The following DVL3 variants were observed in gnomAD, a reference collection of about 807,000 sequenced individuals.
The protein encoded by DVL3 is segment polarity protein dishevelled homolog DVL-3.
A neutral mutation model predicts 67.4 loss-of-function variants in DVL3; 27 were observed. That is an observed-to-expected ratio of 0.40 (90% CI 0.30 to 0.55). DVL3 has a LOEUF of 0.55. DVL3 is among the 20% of genes least tolerant of loss of function. DVL3 has a pLI of 0.46. For missense variants in DVL3, 819 were observed against 1,021.5 expected (o/e 0.80, Z 2.70); for synonymous variants, 369 against 396.8 (o/e 0.93, Z 0.83).
Position 184,162,560 on chromosome 3 carries a change from CTTTTT to C in DVL3, c.162-1084_162-1080del, listed in dbSNP as rs35869796. Among the ~76,000 whole-genome samples the C allele has an allele frequency of 5.7e-5, 7 of 123,512 alleles. 1 individual carries two copies. The highest frequency in any genetic ancestry group is 2.4e-4 in the East Asian group (1 of 4,248). 81.0% of individuals were successfully genotyped at this position (123,512 alleles called of 152,430 possible). On this transcript the variant is annotated intron_variant, in intron 1 of 14. Transcript: ENST00000313143. The stretch of plus-strand genomic sequence containing the variant: ...CCCCTTCTCTTTTTCTTTTTCTTTT[CTTTTT>C]TTTTTTTTTTTTGACACGGAGTCTC...
Position 184,170,619 on chromosome 3 carries a change from C to A in DVL3, c.2015C>A (p.Pro672Gln). The part of the protein sequence containing the change: ...YGPPMLMMPP[P>Q]PAAMGPPGAP... ...CCCCCCATGCTGATGATGCCCCCGC[C>A]GCCCGCGGCCATGGGGCCCCCAGGA... Residue 672 changes from proline to glutamine, a missense_variant, in exon 15 of 15, where the codon CCG becomes CAG. By Grantham distance (76) the Pro-to-Gln change is moderately conservative. Transcript: ENST00000313143. The surrounding 1 kb of genome is among the most constrained non-coding windows in gnomAD (Gnocchi z 6.5). 1 of 1,608,372 alleles carries A rather than the reference C, an allele frequency of 6.2e-7. No individual in the cohort carries two copies. Among genetic ancestry groups the A allele is most frequent in the Non-Finnish European group, 8.5e-7 (1 of 1,176,768 alleles).
Position 184,166,228 on chromosome 3 carries a change from C to T in DVL3, c.866C>T (p.Ala289Val), listed in dbSNP as rs1177445276. 8 of 1,612,924 alleles carry T rather than the reference C, an allele frequency of 5.0e-6. No homozygotes were observed. Among genetic ancestry groups the T allele is most frequent in the Non-Finnish European group, 5.9e-6 (7 of 1,179,754 alleles). Residue 289 changes from alanine to valine, a missense_variant, in exon 8 of 15, where the codon GCT becomes GTT. Transcript: ENST00000313143. This position sits in a 1 kb window ranked among gnomAD's most constrained non-coding sequence, Gnocchi z 6.7. ...GSIMKGGAVA[A>V]DGRIEPGDML... is the part of the protein sequence containing the mutation. ...ATCATGAAGGGTGGGGCCGTGGCTG[C>T]TGATGGACGCATCGAGCCAGGAGAT...
chr3:184,171,012 T>C lies in DVL3; in HGVS notation c.*257T>C. 1 of 1,424,576 alleles carries C rather than the reference T, an allele frequency of 7.0e-7. No individual in the cohort carries two copies. The highest frequency in any genetic ancestry group is 9.3e-7 in the Non-Finnish European group (1 of 1,080,106). The allele number at this position is 1,424,576 out of a possible 1,614,324, so 88.2% of individuals were successfully genotyped here. A position where few individuals can be genotyped will look rare whatever the true frequency, so the allele number is the denominator to read the frequency against. On this transcript the variant is annotated 3_prime_UTR_variant, in exon 15 of 15. Coordinates refer to ENST00000313143, the MANE Select transcript of DVL3 (RefSeq NM_004423.4). ...CCTGCGCAGGACTTCCCAGGACCCCTTTTGTCTCTGGGACCAGACTTGTTG... is the reference window on the plus strand; with the variant it reads ...CCTGCGCAGGACTTCCCAGGACCCCCTTTGTCTCTGGGACCAGACTTGTTG...
At position 184,166,394 on chromosome 3, in the gene DVL3, C is replaced by G; in HGVS notation, c.904-52C>G. ...TCCCTGACCTACCAAGTTGAGTTCC[C>G]TTTTCATCCTCCCCAGCACAGCTGT... is the stretch of plus-strand genomic sequence containing the variant. On this transcript the variant is annotated intron_variant, in intron 8 of 14. Transcript: ENST00000313143. This position sits in a 1 kb window ranked among gnomAD's most constrained non-coding sequence, Gnocchi z 6.7. The G allele has an allele frequency of 1.9e-6, 3 of 1,613,028 alleles. No individual in the cohort carries two copies. The highest frequency in any genetic ancestry group is 2.2e-5 in the East Asian group (1 of 44,864).
chr3:184,157,631 C>T (rs71318356), intron 1 of DVL3, among the ~76,000 whole-genome samples: 2,443 of 152,342 alleles, frequency 0.016, 32 homozygotes, highest in Non-Finnish European at 0.022. Context: ...ATAGGTCTGA[C>T]TTTTCTGTTT....
Position 184,171,083 on chromosome 3 carries a change from C to A in DVL3, c.*328C>A, listed in dbSNP as rs1055631607. On this transcript the variant is annotated 3_prime_UTR_variant, in exon 15 of 15. Transcript: ENST00000313143. The stretch of plus-strand genomic sequence containing the variant: ...CTGCAACCCCCATTTTGGGAGTTGA[C>A]CCCAGCAATGACCTTGGTGGCACGC... 8.0e-7 allele frequency: 1 copy of A among 1,251,554 alleles called. No individual in the cohort carries two copies. Among genetic ancestry groups the A allele is most frequent in the South Asian group, 1.6e-5 (1 of 63,056 alleles). 77.5% of individuals were successfully genotyped at this position (1,251,554 alleles called of 1,614,324 possible).
At chr3:184,162,640 A>G (rs1311304569) in intron 1 of DVL3, among the ~76,000 whole-genome samples, 1 of 144,240 alleles carries the variant, frequency 6.9e-6, no homozygotes, top group Non-Finnish European at 1.5e-5. Flanking sequence ...GCTCACTGCA[A>G]CCTCCACCTG....
intron 13 of DVL3, among the ~76,000 whole-genome samples, chr3:184,169,432 C>T (rs1461634413): frequency 1.3e-5 from 2 of 152,142 alleles, no homozygotes; most frequent in African/African-American, 4.8e-5. Context: ...CAGTGGCTCG[C>T]GCCTGTAATC....
chr3:184,170,460 G>C lies in DVL3; in HGVS notation c.1856G>C (p.Arg619Pro), dbSNP rs772085529. ...TRSSLRGPRE[R>P]APSERSGPAA... Reference sequence around the variant, plus strand: ...AGCAGCCTGCGGGGGCCGCGGGAGCGGGCGCCCAGCGAGCGCTCAGGGCCG... The same window carrying C: ...AGCAGCCTGCGGGGGCCGCGGGAGCCGGCGCCCAGCGAGCGCTCAGGGCCG... Residue 619 changes from arginine (R) to proline (P), a missense_variant, in exon 15 of 15, where the codon CGG (arginine) becomes CCG (proline). Physicochemically the swap from Arg to Pro is moderately radical, Grantham distance 103 (BLOSUM62 -2). Coordinates refer to ENST00000313143, the MANE Select transcript of DVL3 (RefSeq NM_004423.4). The surrounding 1 kb of genome is among the most constrained non-coding windows in gnomAD (Gnocchi z 6.5). 1 of 1,584,112 alleles carries C rather than the reference G, an allele frequency of 6.3e-7. No individual in the cohort carries two copies. Among genetic ancestry groups the C allele is most frequent in the Non-Finnish European group, 8.6e-7 (1 of 1,166,218 alleles).
rs1395655478 is a variant in DVL3, at chr3:184,170,303, T to G, written c.1715-16T>G. The G allele has an allele frequency of 1.3e-6, 2 of 1,593,614 alleles. No individual in the cohort carries two copies. The highest frequency in any genetic ancestry group is 1.7e-6 in the Non-Finnish European group (2 of 1,169,718). On this transcript the variant is annotated splice_polypyrimidine_tract_variant and intron_variant, in intron 14 of 14. Transcript: ENST00000313143. The surrounding 1 kb of genome is among the most constrained non-coding windows in gnomAD (Gnocchi z 6.5). ...CGCTCAGCCTGCCCCACCCCGGCCCTGTTTGCCTCCTACAGGCAGTCGGAG... is the reference window on the plus strand; with the variant it reads ...CGCTCAGCCTGCCCCACCCCGGCCCGGTTTGCCTCCTACAGGCAGTCGGAG...
chr3:184,163,825 T>A lies in DVL3; in HGVS notation c.231+99T>A. 9.6e-7 allele frequency: 1 copy of A among 1,041,130 alleles called. No individual in the cohort carries two copies. The highest frequency in any genetic ancestry group is 1.6e-5 in the African/African-American group (1 of 62,950). 64.5% of individuals were successfully genotyped at this position (1,041,130 alleles called of 1,614,324 possible). A position where few individuals can be genotyped will look rare whatever the true frequency, so the allele number is the denominator to read the frequency against. On this transcript the variant is annotated intron_variant, in intron 2 of 14. Coordinates refer to ENST00000313143, the MANE Select transcript of DVL3 (RefSeq NM_004423.4). This position sits in a 1 kb window ranked among gnomAD's most constrained non-coding sequence, Gnocchi z 4.5. The stretch of plus-strand genomic sequence containing the variant: ...TGTAGCTGGTGGTTTTAAGCTTCAG[T>A]ATCTGAATCTTTCTTTAGTTTTGCA...
Position 184,170,131 on chromosome 3 carries a change from C to T in DVL3, c.1624C>T (p.Pro542Ser). 6.2e-7 allele frequency: 1 copy of T among 1,613,838 alleles called. No homozygotes were observed. Among genetic ancestry groups the T allele is most frequent in the Non-Finnish European group, 8.5e-7 (1 of 1,179,968 alleles). ...WPMAFPYQYPPPPHPYNPHPG... is the reference protein window; with the variant it reads ...WPMAFPYQYPSPPHPYNPHPG... The stretch of plus-strand genomic sequence containing the variant: ...CATGGCTTTCCCGTACCAGTACCCG[C>T]CACCCCCGCACCCATACAACCCGCA... Residue 542 changes from proline to serine, a missense_variant, in exon 14 of 15, where the codon CCA (proline) becomes TCA (serine). This residue lies in a region of DVL3 where 324 missense variants were observed against 331.3 expected (regional missense o/e 0.98). Coordinates refer to ENST00000313143, the MANE Select transcript of DVL3 (RefSeq NM_004423.4). This position sits in a 1 kb window ranked among gnomAD's most constrained non-coding sequence, Gnocchi z 6.5.
intron 1 of DVL3, chr3:184,156,971 T>G (rs1714219005): frequency 6.2e-6 from 1 of 161,436 alleles, no homozygotes; most frequent in South Asian, 1.6e-4. Flanking sequence ...CTGGCCCACC[T>G]AGCACTAGGA....
Position 184,170,289 on chromosome 3 carries a change from C to T in DVL3, c.1715-30C>T, listed in dbSNP as rs1714770383. On this transcript the variant is annotated intron_variant, in intron 14 of 14. Coordinates refer to ENST00000313143, the MANE Select transcript of DVL3 (RefSeq NM_004423.4). The surrounding 1 kb of genome is among the most constrained non-coding windows in gnomAD (Gnocchi z 6.5). Reference sequence around the variant, plus strand: ...AGGCTTCCCCCGCCCGCTCAGCCTGCCCCACCCCGGCCCTGTTTGCCTCCT... The same window carrying T: ...AGGCTTCCCCCGCCCGCTCAGCCTGTCCCACCCCGGCCCTGTTTGCCTCCT... 1.3e-6 allele frequency: 2 copies of T among 1,591,432 alleles called. No homozygotes were observed. The highest frequency in any genetic ancestry group is 8.6e-7 in the Non-Finnish European group (1 of 1,168,450).
Position 184,164,858 on chromosome 3 carries a change from T to A in DVL3, c.526T>A (p.Ser176Thr). ...RRREPGGYDS[S>T]STLMSSELET... is the part of the protein sequence containing the mutation. ...GCGAGAACCAGGGGGTTATGATAGC[T>A]CATCCACCCTTATGAGCAGTGAGCT... Residue 176 changes from serine to threonine, a missense_variant, in exon 5 of 15, where the codon TCA becomes ACA. This residue lies in a region of DVL3 where 385 missense variants were observed against 486.8 expected (regional missense o/e 0.79). Coordinates refer to ENST00000313143, the MANE Select transcript of DVL3 (RefSeq NM_004423.4). This position sits in a 1 kb window ranked among gnomAD's most constrained non-coding sequence, Gnocchi z 5.3. 2 of 1,614,158 alleles carry A rather than the reference T, an allele frequency of 1.2e-6. No individual in the cohort carries two copies. Among genetic ancestry groups the A allele is most frequent in the Non-Finnish European group, 1.7e-6 (2 of 1,180,026 alleles).
rs1709638 is a variant in DVL3, at chr3:184,167,107, C to T, written c.1198+132C>T. ...TGGGGCTCGGCTCATTCCAGCAACC[C>T]CACACTGCAACTCCCCCACAGCGGG... On this transcript the variant is annotated intron_variant, in intron 11 of 14. Coordinates refer to ENST00000313143, the MANE Select transcript of DVL3 (RefSeq NM_004423.4). This position sits in a 1 kb window ranked among gnomAD's most constrained non-coding sequence, Gnocchi z 4.6. 376,364 of 1,132,638 alleles carry T rather than the reference C, an allele frequency of 0.33. 65,194 individuals carry two copies. Among genetic ancestry groups the T allele is most frequent in the East Asian group, 0.53 (22,431 of 42,076 alleles). 70.2% of individuals were successfully genotyped at this position (1,132,638 alleles called of 1,614,324 possible). A position where few individuals can be genotyped will look rare whatever the true frequency, so the allele number is the denominator to read the frequency against.
rs757656601 is a variant in DVL3 at position 184,166,801 on chromosome 3, C to G, written c.1049-25C>G. The G allele has an allele frequency of 6.2e-7, 1 of 1,613,624 alleles. No homozygotes were observed. Among genetic ancestry groups the G allele is most frequent in the Non-Finnish European group, 8.5e-7 (1 of 1,179,774 alleles). On this transcript the variant is annotated intron_variant, in intron 10 of 14. Transcript: ENST00000313143. The surrounding 1 kb of genome is among the most constrained non-coding windows in gnomAD (Gnocchi z 6.7). ...CCCAGCAGTGGGTGGGGTGGGTAGC[C>G]CATGACTCCTCATCCTCCCTGCAGG...
intron 13 of DVL3, 63 bp downstream of exon 13, chr3:184,168,128 A>C: frequency 1.9e-6 from 3 of 1,567,474 alleles, no homozygotes; most frequent in Non-Finnish European, 2.6e-6. Context: ...TAGCCAGGGA[A>C]GTGGCAGCAG....
At chr3:184,156,099 AC>A (rs1004221131) in intron 1 of DVL3, among the ~76,000 whole-genome samples, 2 of 149,624 alleles carry the variant, frequency 1.3e-5, no homozygotes, top group Non-Finnish European at 3.0e-5. Flanking sequence ...AGACAGACAC[AC>A]CCCCCCTCCA....
Sources: allele counts gnomAD v4.1 joint callset (sites outside exome capture counted in the v4.1 genomes callset), GRCh38; gene constraint gnomAD v4.1.1; regional missense constraint gnomAD v4.1.1; non-coding constraint Gnocchi (gnomAD v3.1); transcripts MANE v1.5; gene names NCBI Gene and HGNC (gene_info 2026-07-23, HGNC 2026-07-21).